Variants in PER1 observed in about 807,000 individuals in gnomAD.
PER1 encodes period circadian protein homolog 1.
A neutral mutation model predicts 125.9 loss-of-function variants in PER1; 87 were observed. The observed-to-expected ratio is 0.69, with a 90% confidence interval of 0.58 to 0.83. PER1 has a LOEUF of 0.83. Among genes scored for constraint, PER1 ranks in the 40% least tolerant of loss-of-function variants. PER1 has a pLI of 0.00. For missense variants in PER1, 1,775 were observed against 1,722.8 expected (o/e 1.03, Z -0.54); for synonymous variants, 801 against 714.7 (o/e 1.12, Z -1.93).
At position 8,150,536 on chromosome 17, in the gene PER1, G is replaced by A; in HGVS notation, c.171C>T (p.Ser57=). Reference sequence around the variant, plus strand: ...ATGCGCCTCTAGACTCATGCCCGTTGGACTCATTGCCACTTGAACCATTGC... The same window carrying A: ...ATGCGCCTCTAGACTCATGCCCGTTAGACTCATTGCCACTTGAACCATTGC... ...ANSNGSSGNE[S]NGHESRGASQ... Residue 57 remains serine, a synonymous_variant, in exon 2 of 23, where the codon TCC becomes TCT. Coordinates refer to ENST00000317276, the MANE Select transcript of PER1 (RefSeq NM_002616.3). The A allele has an allele frequency of 3.1e-6, 5 of 1,614,170 alleles. 1 individual carries two copies. In the South Asian group the frequency reaches 5.5e-5, roughly 18 times the overall value.
Position 8,143,320 on chromosome 17 carries a change from G to C in PER1, c.3018C>G (p.Ser1006Arg). The C allele has an allele frequency of 6.2e-7, 1 of 1,601,170 alleles. No homozygotes were observed. The highest frequency in any genetic ancestry group is 8.5e-7 in the Non-Finnish European group (1 of 1,173,068). ...EGAAVAGGPG[S>R]SAGPPPPSAE... ...CACTGGGAGGTGGGGGCCCGGCACTGCTCCCAGGGCCTCCTGCAACAGCAG... is the reference window on the plus strand; with the variant it reads ...CACTGGGAGGTGGGGGCCCGGCACTCCTCCCAGGGCCTCCTGCAACAGCAG... The change falls in exon 19 of 23, where the codon AGC becomes AGG. Residue 1006 changes from serine (S) to arginine (R), a missense_variant. Transcript: ENST00000317276.
At chr17:8,148,294 C>G (rs1440398757) in intron 8 of PER1, 35 bp from the exon 9 acceptor site, 3 of 1,551,378 alleles carry the variant, frequency 1.9e-6, no homozygotes, top group African/African-American at 1.4e-5. Flanking sequence ...TGGGTTTCGT[C>G]CAGAATGCCC....
At chr17:8,146,846 CAG>C in intron 14 of PER1, 49 bp downstream of exon 14, 1 of 1,604,912 alleles carries the variant, frequency 6.2e-7, no homozygotes, top group Non-Finnish European at 8.5e-7. Flanking sequence ...GGGTGAAGGT[CAG>C]GGGACCCCCC....
chr17:8,144,047 T>G, intron 18 of PER1, 171 bp from the exon 19 acceptor site: 1 of 1,005,306 alleles, frequency 9.9e-7, no homozygotes, highest in Non-Finnish European at 1.4e-6. Context: ...CAGGGAAGAA[T>G]CACAGGAGCC....
Position 8,141,168 on chromosome 17 carries a change from G to GCC in PER1, c.3771_3772dup (p.Ala1258GlyfsTer46). 6.2e-7 allele frequency: 1 copy of GCC among 1,614,154 alleles called. No individual in the cohort carries two copies. The highest frequency in any genetic ancestry group is 8.5e-7 in the Non-Finnish European group (1 of 1,180,014). On this transcript the variant is annotated frameshift_variant, in exon 23 of 23. Coordinates refer to ENST00000317276, the MANE Select transcript of PER1 (RefSeq NM_002616.3). LOFTEE classifies it high-confidence loss of function. ...CAAGTCCTGAGAGCTTGAAGCCTTGGCCCCGCCTTGGGCCTCCTCGCAGCC... is the reference window on the plus strand; with the variant it reads ...CAAGTCCTGAGAGCTTGAAGCCTTGGCCCCCCGCCTTGGGCCTCCTCGCAGCC...
chr17:8,149,813 G>T lies in PER1; in HGVS notation c.593C>A (p.Ser198Tyr). ...CTCCAGCTCCTCCAGGGTATAGGTG[G>T]ACATGTCCATGGAGCAAGGCTCGCC... ...EEGEPCSMDM[S>Y]TYTLEELEHI... Residue 198 changes from serine to tyrosine, a missense_variant, in exon 5 of 23, where the codon TCC (serine) becomes TAC (tyrosine). Coordinates refer to ENST00000317276, the MANE Select transcript of PER1 (RefSeq NM_002616.3). The T allele has an allele frequency of 6.2e-7, 1 of 1,613,876 alleles. No homozygotes were observed. The highest frequency in any genetic ancestry group is 2.2e-5 in the East Asian group (1 of 44,880).
At position 8,147,260 on chromosome 17, in the gene PER1, G is replaced by A. The variant is rs1982510574; in HGVS notation, c.1619C>T (p.Pro540Leu). ...GAGCAGGTCACTCACTGGCGCAGGA[G>A]GCCCAGGCCCCTCTGCATCACCCCC... is the stretch of plus-strand genomic sequence containing the variant. ...SNGGDAEGPGPPAPVTFQQIC... is the reference protein window; with the variant it reads ...SNGGDAEGPGLPAPVTFQQIC... The change falls in exon 13 of 23, where the codon CCT becomes CTT. Residue 540 changes from proline (P) to leucine (L), a missense_variant. Physicochemically the swap from Pro to Leu is moderately conservative, Grantham distance 98. Transcript: ENST00000317276. The A allele has an allele frequency of 4.4e-6, 7 of 1,609,060 alleles. No homozygotes were observed. Among genetic ancestry groups the A allele is most frequent in the Non-Finnish European group, 5.9e-6 (7 of 1,177,820 alleles).
chr17:8,145,609 C>A (rs1982382971), intron 17 of PER1, among the ~76,000 whole-genome samples: 1 of 152,198 alleles, frequency 6.6e-6, no homozygotes, highest in Admixed American at 6.5e-5. Flanking sequence ...CAGGCCTGAG[C>A]CACCATGCCC....
chr17:8,142,468 G>C lies in PER1; in HGVS notation c.3260-10C>G, dbSNP rs201102174. On this transcript the variant is annotated splice_polypyrimidine_tract_variant and intron_variant, in intron 20 of 22. Coordinates refer to ENST00000317276, the MANE Select transcript of PER1 (RefSeq NM_002616.3). ...CTGCTCTGGCTGCTGCCTGTGAAGTGGGGGGCAGACCAATGGGAGTCAGGC... is the reference window on the plus strand; with the variant it reads ...CTGCTCTGGCTGCTGCCTGTGAAGTCGGGGGCAGACCAATGGGAGTCAGGC... The C allele has an allele frequency of 4.0e-5, 63 of 1,569,144 alleles. No individual in the cohort carries two copies. Among genetic ancestry groups the C allele is most frequent in the Non-Finnish European group, 5.2e-5 (60 of 1,156,332 alleles).
chr17:8,141,880 C>G lies in PER1; in HGVS notation c.3525G>C (p.Glu1175Asp), dbSNP rs1003630819. The stretch of plus-strand genomic sequence containing the variant: ...CAGCACCCAGTTCCCGCCGCTGGTC[C>G]TCAGAAAACCGAGGCTGCTGCTTCT... ...AMQKQQPRFS[E>D]DQRRELGAVH... Residue 1175 changes from glutamate (E) to aspartate (D), a missense_variant, in exon 22 of 23, where the codon GAG (glutamate) becomes GAC (aspartate). Transcript: ENST00000317276. 3.1e-6 allele frequency: 5 copies of G among 1,614,078 alleles called. No homozygotes were observed. The African/African-American group carries it at 6.7e-5, about 22-fold the overall frequency.
chr17:8,146,557 A>G (rs1360186347), intron 15 of PER1, 37 bp downstream of exon 15: 1 of 1,602,208 alleles, frequency 6.2e-7, no homozygotes, highest in Admixed American at 1.7e-5. Context: ...GGGCAGGGTT[A>G]GAGCCCGAGG....
At chr17:8,146,537 G>C in intron 15 of PER1, 35 bp from the exon 16 acceptor site, 2 of 1,605,072 alleles carry the variant, frequency 1.2e-6, no homozygotes, top group Non-Finnish European at 1.7e-6. Flanking sequence ...ATCAGAGCAG[G>C]GCTTGGGGTG....
rs1229746332 is a variant in PER1, at chr17:8,146,507, G to A, written c.1908-5C>T. 2 of 1,611,322 alleles carry A rather than the reference G, an allele frequency of 1.2e-6. No individual in the cohort carries two copies. Among genetic ancestry groups the A allele is most frequent in the African/African-American group, 2.7e-5 (2 of 74,906 alleles). ...AGGTTGCAGCTCTCCAGGTACCTGGGGATGGACACAGCACAGGGCATCAGA... is the reference window on the plus strand; with the variant it reads ...AGGTTGCAGCTCTCCAGGTACCTGGAGATGGACACAGCACAGGGCATCAGA... On this transcript the variant is annotated splice_region_variant and splice_polypyrimidine_tract_variant and intron_variant, in intron 15 of 22. Transcript: ENST00000317276.
rs200283438 is a variant in PER1, at chr17:8,150,591, G to C, written c.116C>G (p.Pro39Arg). ...GGCATCGGTGTCATCGGCCAGGCTG[G>C]GGCCTGGGCAAGGCCGGTGCTGTGG... is the stretch of plus-strand genomic sequence containing the variant. ...GPPQHRPCPG[P>R]SLADDTDANS... The change falls in exon 2 of 23, where the codon CCC becomes CGC. Residue 39 changes from proline to arginine, a missense_variant. Pro to Arg is a moderately radical substitution (Grantham distance 103). Coordinates refer to ENST00000317276, the MANE Select transcript of PER1 (RefSeq NM_002616.3). 2.0e-5 allele frequency: 33 copies of C among 1,613,932 alleles called. No individual in the cohort carries two copies. The highest frequency in any genetic ancestry group is 2.6e-5 in the Non-Finnish European group (31 of 1,180,004).
In PER1 at chr17:8,143,630, G is replaced by T; in HGVS notation, c.2708C>A (p.Thr903Lys). 6.9e-7 allele frequency: 1 copy of T among 1,449,972 alleles called. No homozygotes were observed. 89.8% of individuals were successfully genotyped at this position (1,449,972 alleles called of 1,614,324 possible). ...GGGGAAAGCAGCTGGGGGCACAGAT[G>T]TGGGAGCAGGGGGAAGAGGCTGGGG... ...GGPQPLPPAP[T>K]SVPPAAFPAP... Residue 903 changes from threonine (T) to lysine (K), a missense_variant, in exon 19 of 23, where the codon ACA becomes AAA. Thr to Lys is a moderately conservative substitution (Grantham distance 78). Coordinates refer to ENST00000317276, the MANE Select transcript of PER1 (RefSeq NM_002616.3).
rs748590786 is a variant in PER1 at position 8,144,865 on chromosome 17, G to A, written c.2347C>T (p.Leu783=). Residue 783 remains leucine, a synonymous_variant, in exon 18 of 23, where the codon CTG becomes TTG. Transcript: ENST00000317276. The part of the protein sequence containing the change: ...YRPVGLTKAV[L]SLHTQKEEQA... ...TCTTCCTTCTGTGTGTGCAGGGACA[G>A]CACGGCCTTGGTCAGCCCCACTGGA... The A allele has an allele frequency of 3.2e-6, 5 of 1,581,632 alleles. No individual in the cohort carries two copies. The highest frequency in any genetic ancestry group is 4.3e-6 in the Non-Finnish European group (5 of 1,161,940).
In PER1 at chr17:8,149,632, G is replaced by T. The variant is rs1282783693; in HGVS notation, c.683C>A (p.Thr228Lys). 2 of 1,610,952 alleles carry T rather than the reference G, an allele frequency of 1.2e-6. No homozygotes were observed. Among genetic ancestry groups the T allele is most frequent in the Non-Finnish European group, 8.5e-7 (1 of 1,177,382 alleles). Residue 228 changes from threonine (T) to lysine (K), a missense_variant, in exon 6 of 23, where the codon ACG (threonine) becomes AAG (lysine). By Grantham distance (78) the Thr-to-Lys change is moderately conservative. Transcript: ENST00000317276. ...CTCCGAAATGTAGACGATTCGGCCC[G>T]TCAGGAAGGAGACAGCCACTGAGAA... is the stretch of plus-strand genomic sequence containing the variant. ...DTFSVAVSFL[T>K]GRIVYISEQA...
chr17:8,151,205 A>G (rs533091314), intron 1 of PER1, among the ~76,000 whole-genome samples: 2 of 152,286 alleles, frequency 1.3e-5, no homozygotes, highest in East Asian at 3.9e-4. Flanking sequence ...GTCGCCTCCT[A>G]TATTTAGGCC....
At chr17:8,142,086 T>C (rs1982115741) in intron 21 of PER1, 131 bp from the exon 22 acceptor site, 10 of 1,308,796 alleles carry the variant, frequency 7.6e-6, no homozygotes, top group Non-Finnish European at 1.1e-5. Context: ...CTATGCGAGG[T>C]CAAGGCTTCC....
Sources: allele counts gnomAD v4.1 joint callset (sites outside exome capture counted in the v4.1 genomes callset), GRCh38; gene constraint gnomAD v4.1.1; transcripts MANE v1.5; gene names NCBI Gene and HGNC (gene_info 2026-07-23, HGNC 2026-07-21).